GLIS1: variants seen among roughly 807,000 people sequenced by gnomAD.
The protein encoded by GLIS1 is GLIS family zinc finger 1.
A neutral mutation model predicts 63.8 loss-of-function variants in GLIS1; 24 were observed. The observed-to-expected ratio is 0.38, with a 90% confidence interval of 0.27 to 0.53. GLIS1 has a LOEUF of 0.53. Ranked by LOEUF, GLIS1 falls within the 20% of genes least tolerant of loss-of-function variation. The pLI, the probability that GLIS1 is intolerant of heterozygous loss-of-function variation, is 0.85. For missense variants in GLIS1, 1,036 were observed against 1,074.1 expected, an observed-to-expected ratio of 0.96 and a Z score of 0.50; for synonymous variants, 450 against 482.5, an observed-to-expected ratio of 0.93 and a Z score of 0.88.
At chr1:53,602,014 C>T (rs1338550754) in intron 2 of GLIS1, among the ~76,000 whole-genome samples, 1 of 152,186 alleles carries the variant, frequency 6.6e-6, no homozygotes, top group South Asian at 2.1e-4. Context: ...GGAGCCTCCA[C>T]GTTCCCAGCC....
intron 6 of GLIS1, among the ~76,000 whole-genome samples, chr1:53,522,265 C>T (rs1156267985): frequency 1.3e-5 from 2 of 152,252 alleles, no homozygotes; most frequent in Non-Finnish European, 2.9e-5. Context: ...GGTCGCTTTA[C>T]CCAGAAAGAT....
intron 2 of GLIS1, among the ~76,000 whole-genome samples, chr1:53,603,208 T>C (rs1337799844): frequency 6.6e-6 from 1 of 152,170 alleles, no homozygotes; most frequent in Non-Finnish European, 1.5e-5. Context: ...AGTCATAGTA[T>C]GGTGCCACTT....
chr1:53,612,530 G>A (rs2950260), intron 2 of GLIS1, among the ~76,000 whole-genome samples: 114,569 of 151,972 alleles, frequency 0.75, 43,317 homozygotes, highest in Middle Eastern at 0.86. Flanking sequence ...GTGAGCCACC[G>A]CGCCTGGCCT....
intron 2 of GLIS1, among the ~76,000 whole-genome samples, chr1:53,612,586 C>T (rs929409393): frequency 3.9e-5 from 6 of 152,070 alleles, no homozygotes; most frequent in Admixed American, 3.3e-4. Context: ...GGGATCTTGA[C>T]CCCTCATGAT....
chr1:53,562,958 G>C (rs1221959081), intron 4 of GLIS1, among the ~76,000 whole-genome samples: 1 of 152,216 alleles, frequency 6.6e-6, no homozygotes, highest in Non-Finnish European at 1.5e-5. Context: ...TCACAGATGA[G>C]GAAACGGAGG....
At chr1:53,509,536 C>A (rs1032443638) in intron 9 of GLIS1, among the ~76,000 whole-genome samples, 22 of 152,268 alleles carry the variant, frequency 1.4e-4, no homozygotes, top group African/African-American at 4.6e-4. Flanking sequence ...TCCTGAGTCA[C>A]CCGTGGCTGA....
At chr1:53,593,044 A>C (rs1645208745) in intron 4 of GLIS1, among the ~76,000 whole-genome samples, 1 of 152,234 alleles carries the variant, frequency 6.6e-6, no homozygotes, top group Non-Finnish European at 1.5e-5. Flanking sequence ...TTCCCAGACC[A>C]AGTGCTCCAT....
intron 4 of GLIS1, among the ~76,000 whole-genome samples, chr1:53,548,315 C>T (rs1003017581): frequency 2.0e-5 from 3 of 152,186 alleles, no homozygotes; most frequent in South Asian, 2.1e-4. Context: ...ACGGGAGGCC[C>T]GGTCTGCACA....
chr1:53,536,632 G>A (rs934622368), intron 4 of GLIS1, among the ~76,000 whole-genome samples: 2 of 152,130 alleles, frequency 1.3e-5, no homozygotes, highest in African/African-American at 4.8e-5. Context: ...CCTTGGGTCT[G>A]GCTGATGAGT....
intron 2 of GLIS1, among the ~76,000 whole-genome samples, chr1:53,638,515 T>C (rs1645751158): frequency 6.6e-6 from 1 of 152,142 alleles, no homozygotes; most frequent in South Asian, 2.1e-4. Flanking sequence ...CTGAGCCCAG[T>C]CTGTCCTCCC....
intron 2 of GLIS1, among the ~76,000 whole-genome samples, chr1:53,734,411 G>C (rs537871698): frequency 6.6e-6 from 1 of 152,294 alleles, no homozygotes; most frequent in South Asian, 2.1e-4. Flanking sequence ...GGAACGTTCA[G>C]AAGGCCTTCG....
Position 53,511,541 on chromosome 1 carries a change from G to A in GLIS1, c.1884-1514C>T, listed in dbSNP as rs1459883136. 2.0e-5 allele frequency among the ~76,000 whole-genome samples: 3 copies of A among 152,176 alleles called. No individual in the cohort carries two copies. The highest frequency in any genetic ancestry group is 4.8e-5 in the African/African-American group (2 of 41,446). On this transcript the variant is annotated intron_variant, in intron 8 of 10. Transcript: ENST00000628545. This position sits in a 1 kb window ranked among gnomAD's most constrained non-coding sequence, Gnocchi z 4.2. ...CTGAGGACAGGGGAAGCAGGGCCTC[G>A]GTGCTGGGTCCCTGGCCCGGCCACT...
Position 53,632,990 on chromosome 1 carries a change from TGA to T in GLIS1, c.260-32714_260-32713del, listed in dbSNP as rs1205522871. Among the ~76,000 whole-genome samples the T allele has an allele frequency of 2.8e-5, 4 of 143,168 alleles. No individual in the cohort carries two copies. The East Asian group carries it at 6.5e-4, about 23-fold the overall frequency. The allele number at this position is 143,168 out of a possible 152,430, so 93.9% of individuals were successfully genotyped here. A position where few individuals can be genotyped will look rare whatever the true frequency, so the allele number is the denominator to read the frequency against. Reference sequence around the variant, plus strand: ...TATGTGTGACCGAGGGGTGTGTGAATGAGTGTGACTGAGGGGTGTGAATGAGT... The same window carrying T: ...TATGTGTGACCGAGGGGTGTGTGAATGTGTGACTGAGGGGTGTGAATGAGT... On this transcript the variant is annotated intron_variant, in intron 2 of 10. Coordinates refer to ENST00000628545, the MANE Select transcript of GLIS1 (RefSeq NM_001367484.1).
intron 2 of GLIS1, among the ~76,000 whole-genome samples, chr1:53,602,138 T>G (rs1176832259): frequency 6.6e-6 from 1 of 152,212 alleles, no homozygotes; most frequent in Admixed American, 6.5e-5. Flanking sequence ...CCACTGGCCC[T>G]GGCTGCTGCC....
chr1:53,554,483 G>A (rs938825433), intron 4 of GLIS1, among the ~76,000 whole-genome samples: 1 of 152,162 alleles, frequency 6.6e-6, no homozygotes, highest in Non-Finnish European at 1.5e-5. Context: ...TAGAACCAAA[G>A]CTCAGAGAAA....
intron 4 of GLIS1, among the ~76,000 whole-genome samples, chr1:53,590,059 A>C (rs1462901396): frequency 6.6e-6 from 1 of 152,190 alleles, no homozygotes; most frequent in Non-Finnish European, 1.5e-5. Flanking sequence ...TTCATCTGTA[A>C]ATCAGCTGTA....
At chr1:53,515,448 T>A (rs1199273659) in intron 7 of GLIS1, among the ~76,000 whole-genome samples, 1 of 151,966 alleles carries the variant, frequency 6.6e-6, no homozygotes, top group African/African-American at 2.4e-5. Flanking sequence ...AGGGCTGCCA[T>A]GGATGGTTGC....
At chr1:53,565,924 C>T (rs115626775) in intron 4 of GLIS1, among the ~76,000 whole-genome samples, 589 of 151,962 alleles carry the variant, frequency 3.9e-3, no homozygotes, top group Middle Eastern at 6.8e-3. Context: ...TAAATAAAGA[C>T]AAAAAATTTT....
At chr1:53,615,987 A>G (rs1645478539) in intron 2 of GLIS1, among the ~76,000 whole-genome samples, 1 of 152,138 alleles carries the variant, frequency 6.6e-6, no homozygotes. Flanking sequence ...AGCTCAGGCA[A>G]TCCACCCACC....
Sources: gnomAD v4.1 joint callset for allele counts (sites outside exome capture counted in the v4.1 genomes callset) on GRCh38, gnomAD v4.1.1 for gene constraint, Gnocchi (gnomAD v3.1) non-coding constraint, MANE v1.5 for transcripts, NCBI Gene and HGNC (gene_info 2026-07-23, HGNC 2026-07-21) for gene names.